The following COL24A1 variants were observed in gnomAD, a reference collection of about 807,000 sequenced individuals.
COL24A1 encodes the protein collagen type XXIV alpha 1 chain.
Under a neutral mutation model 253.9 loss-of-function variants are expected in COL24A1, and 224 were observed. The ratio of observed to expected loss-of-function variants is 0.88; its 90% CI spans 0.79 to 0.99. The LOEUF is 0.99. Among genes scored for constraint, COL24A1 ranks in the 50% least tolerant of loss-of-function variants. The pLI, the probability that COL24A1 is intolerant of heterozygous loss-of-function variation, is 0.00. For synonymous variants in COL24A1, 685 were observed against 673.7 expected (o/e 1.02, Z -0.26); for missense variants, 2,131 against 2,068.5 (o/e 1.03, Z -0.59).
intron 47 of COL24A1, among the ~76,000 whole-genome samples, chr1:85,808,157 T>G (rs574966003): frequency 6.6e-6 from 1 of 152,300 alleles, no homozygotes; most frequent in African/African-American, 2.4e-5. Flanking sequence ...TAATAACACA[T>G]CCTTGTGAAA....
At chr1:86,026,753 A>G (rs1487330912) in intron 14 of COL24A1, among the ~76,000 whole-genome samples, 1 of 152,220 alleles carries the variant, frequency 6.6e-6, no homozygotes, top group Non-Finnish European at 1.5e-5. Context: ...CAACTTTGGA[A>G]CTGGGTAACA....
intron 47 of COL24A1, among the ~76,000 whole-genome samples, chr1:85,816,360 A>G (rs1673038418): frequency 6.6e-6 from 1 of 152,192 alleles, no homozygotes. Flanking sequence ...ATATTCACAC[A>G]ATTCTTGTAA....
At chr1:85,852,423 A>T (rs1677878642) in intron 37 of COL24A1, among the ~76,000 whole-genome samples, 1 of 152,082 alleles carries the variant, frequency 6.6e-6, no homozygotes, top group Non-Finnish European at 1.5e-5. Context: ...CCTCTGCACA[A>T]CTTATTCTTT....
At chr1:85,976,937 G>A (rs1443824188) in intron 20 of COL24A1, among the ~76,000 whole-genome samples, 4 of 152,162 alleles carry the variant, frequency 2.6e-5, no homozygotes, top group African/African-American at 2.4e-5. Flanking sequence ...CACGTGAAAC[G>A]TATCTACAAC....
chr1:85,871,363 T>A (rs964320579), intron 35 of COL24A1, among the ~76,000 whole-genome samples: 1 of 152,166 alleles, frequency 6.6e-6, no homozygotes, highest in African/African-American at 2.4e-5. Context: ...AGCATCATCC[T>A]GATACCAAAG....
In COL24A1 at chr1:85,868,602, G is replaced by A. The variant is rs771430548; in HGVS notation, c.3217C>T (p.Pro1073Ser). 1.2e-6 allele frequency: 2 copies of A among 1,613,706 alleles called. No homozygotes were observed. The highest frequency in any genetic ancestry group is 2.2e-5 in the East Asian group (1 of 44,848). The change falls in exon 37 of 60, where the codon CCT (proline) becomes TCT (serine). Residue 1073 changes from proline (P) to serine (S), a missense_variant. Coordinates refer to ENST00000370571, the MANE Select transcript of COL24A1 (RefSeq NM_152890.7). The stretch of plus-strand genomic sequence containing the variant: ...TCTCCTTTTTCTCCATCCTCTCCAG[G>A]AAGTCCCCTTCCTCCTGGTACTCCC... ...LKGVPGGRGL[P>S]GEDGEKGEMG...
intron 2 of COL24A1, among the ~76,000 whole-genome samples, chr1:86,136,035 T>A (rs1290787654): frequency 6.6e-6 from 1 of 151,972 alleles, no homozygotes; most frequent in Non-Finnish European, 1.5e-5. Flanking sequence ...AGCCCCACCT[T>A]CTTCTCTAAA....
chr1:85,828,499 A>T (rs1265700506), intron 43 of COL24A1, among the ~76,000 whole-genome samples: 1 of 149,374 alleles, frequency 6.7e-6, no homozygotes, highest in Non-Finnish European at 1.5e-5. Flanking sequence ...TGTCTCGTTG[A>T]TCTGTCTAAT....
At chr1:86,095,418 T>G (rs967572278) in intron 5 of COL24A1, among the ~76,000 whole-genome samples, 2 of 152,052 alleles carry the variant, frequency 1.3e-5, no homozygotes, top group Non-Finnish European at 2.9e-5. Context: ...GAATGGGAAT[T>G]TCAAGTCAGT....
In COL24A1 at chr1:86,066,840, T is replaced by C. The variant is rs192723976; in HGVS notation, c.1708-3081A>G. Among the ~76,000 whole-genome samples the C allele has an allele frequency of 2.6e-3, 395 of 152,194 alleles. 2 individuals are homozygous for C. The highest frequency in any genetic ancestry group is 9.1e-3 in the African/African-American group (379 of 41,544). ...CACTGAATAAAAAACAAAGCAGATA[T>C]GAGTTACTTCAGGAAGGCCGGGCGC... On this transcript the variant is annotated intron_variant, in intron 7 of 59. Coordinates refer to ENST00000370571, the MANE Select transcript of COL24A1 (RefSeq NM_152890.7).
chr1:85,967,879 G>A (rs1013696101), intron 22 of COL24A1, among the ~76,000 whole-genome samples: 14 of 152,210 alleles, frequency 9.2e-5, no homozygotes, highest in Admixed American at 2.6e-4. Flanking sequence ...AGGATACAAA[G>A]TATTGATCCT....
rs776809403 is a variant in COL24A1, at chr1:86,125,420, C to T, written c.916G>A (p.Glu306Lys). The change falls in exon 3 of 60, where the codon GAA (glutamate) becomes AAA (lysine). Residue 306 changes from glutamate (E) to lysine (K), a missense_variant. Physicochemically the swap from Glu to Lys is moderately conservative, Grantham distance 56. Transcript: ENST00000370571. ...AACTGAGATCTTGATATCTGGTGTT[C>T]TTGTCTTTTATACACGGTTTCAGAA... ...NDSETVYKRQ[E>K]HQISRSQLSS... is the part of the protein sequence containing the mutation. The T allele has an allele frequency of 1.2e-6, 2 of 1,613,514 alleles. No individual in the cohort carries two copies. The highest frequency in any genetic ancestry group is 1.7e-6 in the Non-Finnish European group (2 of 1,179,782).
chr1:85,863,171 G>C (rs375082900), intron 37 of COL24A1, among the ~76,000 whole-genome samples: 6 of 152,232 alleles, frequency 3.9e-5, no homozygotes, highest in South Asian at 4.1e-4. Flanking sequence ...GATTTTGTAT[G>C]CTGAGACTTT....
chr1:86,024,562 T>G (rs533347266), intron 14 of COL24A1, among the ~76,000 whole-genome samples: 1 of 152,328 alleles, frequency 6.6e-6, no homozygotes, highest in African/African-American at 2.4e-5. Context: ...AGATAAATTA[T>G]TTCTAACATG....
At chr1:85,879,042 C>A (rs1681522325) in intron 32 of COL24A1, among the ~76,000 whole-genome samples, 1 of 152,008 alleles carries the variant, frequency 6.6e-6, no homozygotes. Context: ...TCTCTTCATT[C>A]TCTTAACAGT....
At chr1:85,942,586 C>A (rs546142582) in intron 24 of COL24A1, among the ~76,000 whole-genome samples, 3 of 152,230 alleles carry the variant, frequency 2.0e-5, no homozygotes, top group Admixed American at 2.0e-4. Flanking sequence ...AAGACACAGT[C>A]CTGAATGTCA....
intron 23 of COL24A1, among the ~76,000 whole-genome samples, chr1:85,964,388 T>G (rs1322646303): frequency 6.6e-6 from 1 of 152,120 alleles, no homozygotes; most frequent in Admixed American, 6.6e-5. Flanking sequence ...CTAGTGAATA[T>G]TACTTAGACT....
intron 24 of COL24A1, 108 bp from the exon 25 acceptor site, chr1:85,911,541 A>C: frequency 1.1e-6 from 1 of 906,654 alleles, no homozygotes; most frequent in Non-Finnish European, 1.8e-6. Flanking sequence ...ACTTATCCTA[A>C]ATGTTATCTT....
At chr1:85,997,196 T>C (rs1260774823) in intron 19 of COL24A1, among the ~76,000 whole-genome samples, 1 of 151,388 alleles carries the variant, frequency 6.6e-6, no homozygotes, top group African/African-American at 2.4e-5. Context: ...TGGGGTACTT[T>C]CCTTTGGAGA....
Sources: allele counts gnomAD v4.1 joint callset (sites outside exome capture counted in the v4.1 genomes callset), GRCh38; gene constraint gnomAD v4.1.1; transcripts MANE v1.5; gene names NCBI Gene and HGNC (gene_info 2026-07-23, HGNC 2026-07-21).